Variants in MLXIPL observed in about 807,000 individuals in gnomAD.
MLXIPL encodes the protein carbohydrate-responsive element-binding protein.
In MLXIPL, 49 loss-of-function variants were observed where a neutral mutation model predicts 81.5. The ratio of observed to expected loss-of-function variants is 0.60; its 90% CI spans 0.48 to 0.76. The LOEUF is 0.76. Ranked by LOEUF, MLXIPL falls within the 30% of genes least tolerant of loss-of-function variation. MLXIPL has a pLI of 0.00. For missense variants in MLXIPL, 1,053 were observed against 1,167.0 expected (o/e 0.90, Z 1.42); for synonymous variants, 466 against 485.5 (o/e 0.96, Z 0.53).
At chr7:73,624,526 C>T (rs2116549802), upstream of MLXIPL, 2 of 1,506,616 alleles carry the variant, frequency 1.3e-6, no homozygotes, top group Non-Finnish European at 1.8e-6. Context: ...GGTCCCTGCT[C>T]CGCGCAGCGC....
At chr7:73,624,148 C>G (rs1364846061) in intron 1 of MLXIPL, 52 bp downstream of exon 1, 16 of 1,468,086 alleles carry the variant, frequency 1.1e-5, no homozygotes, top group East Asian at 7.6e-5. Context: ...CCGGACCCCC[C>G]CCCCATCCCC....
the MLXIPL span, among the ~76,000 whole-genome samples, chr7:73,630,394 G>A: frequency 9.1e-5 from 13 of 142,856 alleles, no homozygotes; most frequent in Non-Finnish European, 1.6e-4. Context: ...CTGGGCTCAA[G>A]TGATCCTCCC....
intron 2 of MLXIPL, among the ~76,000 whole-genome samples, chr7:73,607,951 G>A (rs920672628): frequency 1.4e-5 from 2 of 147,384 alleles, no homozygotes; most frequent in African/African-American, 5.1e-5. Context: ...CCACCTCCTG[G>A]GTTCAAGCGA....
intron 7 of MLXIPL, among the ~76,000 whole-genome samples, chr7:73,604,921 C>A (rs568466314): frequency 1.3e-5 from 2 of 151,948 alleles, no homozygotes; most frequent in East Asian, 1.9e-4. Context: ...CCTGCCACCA[C>A]GCCCAGCTAA....
chr7:73,602,130 G>GCCTGCCTGCCTTCCTTCCTTCCTT (rs1461829446), intron 7 of MLXIPL, among the ~76,000 whole-genome samples: 31 of 80,532 alleles, frequency 3.8e-4, no homozygotes, highest in Non-Finnish European at 5.4e-4. Context: ...CTGCCTGCCT[G>GCCTGCCTGCCTTCCTTCCTTCCTT]CCTTCCTTCC....
rs782361112 is a variant in MLXIPL, at chr7:73,624,448, C to T, written c.45G>A (p.Pro15=). 2 of 1,553,034 alleles carry T rather than the reference C, an allele frequency of 1.3e-6. No individual in the cohort carries two copies. The highest frequency in any genetic ancestry group is 1.2e-5 in the South Asian group (1 of 85,924). Residue 15 remains proline (P), a synonymous_variant, in exon 1 of 17, where the codon CCG becomes CCA. Transcript: ENST00000313375. Reference sequence around the variant, plus strand: ...CCGAGTCTGGGCTGGGCGCGACCCGCGGGACCTGCAAGCCCGCGGCCAGAC... The same window carrying T: ...CCGAGTCTGGGCTGGGCGCGACCCGTGGGACCTGCAAGCCCGCGGCCAGAC... The part of the protein sequence containing the change: ...LAGLAAGLQV[P]RVAPSPDSDS...
intron 2 of MLXIPL, among the ~76,000 whole-genome samples, chr7:73,608,191 T>C (rs1279938300): frequency 1.3e-5 from 2 of 150,428 alleles, no homozygotes; most frequent in African/African-American, 4.9e-5. Context: ...GAATCCAACC[T>C]CCCACACCTT....
At chr7:73,631,032 G>A in the MLXIPL span, among the ~76,000 whole-genome samples, 16 of 149,012 alleles carry the variant, frequency 1.1e-4, no homozygotes, top group African/African-American at 3.7e-4. Context: ...TTTTTGAGAC[G>A]GAGTCTTGCT....
chr7:73,629,089 C>A (rs1554604144), upstream of MLXIPL, among the ~76,000 whole-genome samples: 2 of 151,356 alleles, frequency 1.3e-5, no homozygotes, highest in Non-Finnish European at 1.5e-5. Flanking sequence ...GTCGCCCAGG[C>A]TGGAGTGCAG....
In MLXIPL at chr7:73,597,236, G is replaced by A. The variant is rs1554594517; in HGVS notation, c.1549C>T (p.Pro517Ser). 5 of 1,603,546 alleles carry A rather than the reference G, an allele frequency of 3.1e-6. No homozygotes were observed. The African/African-American group carries it at 5.4e-5, about 17-fold the overall frequency. ...TTGTTGCTCCCCGCAGTGGTGGGGG[G>A]ACTGGCAGTGGCAGGGGCTAAGGTA... ...PPTLAPATASPPTTAGSNNPC... is the reference protein window; with the variant it reads ...PPTLAPATASSPTTAGSNNPC... The change falls in exon 9 of 17, where the codon CCC (proline) becomes TCC (serine). Residue 517 changes from proline to serine, a missense_variant. By Grantham distance (74) the Pro-to-Ser change is moderately conservative. Around this residue, in one of 3 missense-constraint regions of MLXIPL, gnomAD observed 823 missense variants for 933.0 expected, o/e 0.88. Coordinates refer to ENST00000313375, the MANE Select transcript of MLXIPL (RefSeq NM_032951.3).
At chr7:73,636,374 C>T in the MLXIPL span, among the ~76,000 whole-genome samples, 1 of 150,436 alleles carries the variant, frequency 6.6e-6, no homozygotes, top group South Asian at 2.1e-4. Context: ...TGAGCCACTG[C>T]ACTCCAGCCT....
chr7:73,602,178 C>T lies in MLXIPL; in HGVS notation c.902-2483G>A, dbSNP rs544098317. 3.9e-4 allele frequency among the ~76,000 whole-genome samples: 17 copies of T among 43,498 alleles called. No individual in the cohort carries two copies. The South Asian group carries it at 0.016, about 41-fold the overall frequency. 28.5% of individuals were successfully genotyped at this position (43,498 alleles called of 152,430 possible). ...TTCCTTCCTTCCTTTCTTTCCCTCTCTCTCTTTCTTTCATCTCTCTCTCTC... is the reference window on the plus strand; with the variant it reads ...TTCCTTCCTTCCTTTCTTTCCCTCTTTCTCTTTCTTTCATCTCTCTCTCTC... On this transcript the variant is annotated intron_variant, in intron 7 of 16. Coordinates refer to ENST00000313375, the MANE Select transcript of MLXIPL (RefSeq NM_032951.3).
chr7:73,598,695 A>G (rs561406400), intron 8 of MLXIPL, among the ~76,000 whole-genome samples: 2 of 152,102 alleles, frequency 1.3e-5, no homozygotes, highest in South Asian at 4.2e-4. Context: ...GCAAAACATA[A>G]CCCTTTCAGT....
In MLXIPL at chr7:73,597,416, G is replaced by A. The variant is rs782647344; in HGVS notation, c.1369C>T (p.Pro457Ser). ...SPLPAPAAFPPTPQSVPSPAP... is the reference protein window; with the variant it reads ...SPLPAPAAFPSTPQSVPSPAP... ...GGGCTGGGGACAGACTGTGGGGTGG[G>A]TGGGAAGGCTGCAGGAGCAGGCAGC... is the stretch of plus-strand genomic sequence containing the variant. The change falls in exon 9 of 17, where the codon CCC (proline) becomes TCC (serine). Residue 457 changes from proline (P) to serine (S), a missense_variant. Transcript: ENST00000313375. 7.0e-7 allele frequency: 1 copy of A among 1,424,882 alleles called. No homozygotes were observed. Among genetic ancestry groups the A allele is most frequent in the Non-Finnish European group, 9.2e-7 (1 of 1,085,290 alleles). 88.3% of individuals were successfully genotyped at this position (1,424,882 alleles called of 1,614,324 possible). A position where few individuals can be genotyped will look rare whatever the true frequency, so the allele number is the denominator to read the frequency against.
intron 15 of MLXIPL, 36 bp downstream of exon 15, chr7:73,595,601 C>A (rs1554593329): frequency 6.2e-7 from 1 of 1,614,066 alleles, no homozygotes; most frequent in Non-Finnish European, 8.5e-7. Flanking sequence ...GCCACAGCCC[C>A]TGCAGCCCCC....
chr7:73,642,383 A>C, the MLXIPL span, among the ~76,000 whole-genome samples: 32 of 151,618 alleles, frequency 2.1e-4, no homozygotes, highest in African/African-American at 6.8e-4. Flanking sequence ...ATAGAGTCTC[A>C]CTCTGTCACC....
chr7:73,597,835 A>G, intron 8 of MLXIPL, 122 bp from the exon 9 acceptor site: 1 of 580,700 alleles, frequency 1.7e-6, no homozygotes. Context: ...CTGGGGAGAG[A>G]TAGGAGAAAT....
At chr7:73,627,197 C>T (rs1440985923), upstream of MLXIPL, among the ~76,000 whole-genome samples, 1 of 152,038 alleles carries the variant, frequency 6.6e-6, no homozygotes, top group Non-Finnish European at 1.5e-5. Context: ...CCCCACTCTC[C>T]CTCCTTTGGA....
chr7:73,642,338 G>T, the MLXIPL span, among the ~76,000 whole-genome samples: 2 of 150,490 alleles, frequency 1.3e-5, no homozygotes, highest in Admixed American at 1.3e-4. Context: ...TTTAATGGAG[G>T]TTTCTATTTA....
Sources: allele counts gnomAD v4.1 joint callset (sites outside exome capture counted in the v4.1 genomes callset), GRCh38; gene constraint gnomAD v4.1.1; regional missense constraint gnomAD v4.1.1; transcripts MANE v1.5; gene names NCBI Gene and HGNC (gene_info 2026-07-23, HGNC 2026-07-21).